Variants in BBS1 observed in about 807,000 individuals in gnomAD.
BBS1 encodes the protein BBSome complex member BBS1.
Under a neutral mutation model 73.9 loss-of-function variants are expected in BBS1, and 60 were observed. That is an observed-to-expected ratio of 0.81 (90% confidence interval 0.66 to 1.01). BBS1 has a LOEUF of 1.01. Among genes scored for constraint, BBS1 ranks in the 50% least tolerant of loss-of-function variants. The pLI is 0.00. For missense variants in BBS1, 718 were observed against 770.3 expected (o/e 0.93, Z 0.80); for synonymous variants, 283 against 317.4 (o/e 0.89, Z 1.15).
intron 9 of BBS1, among the ~76,000 whole-genome samples, chr11:66,521,904 CAAAAAAAAAA>C (rs1183524219): frequency 1.6e-4 from 6 of 36,494 alleles, no homozygotes; most frequent in Non-Finnish European, 2.4e-4. Context: ...GACTCCGTCT[CAAAAAAAAAA>C]AAAAAAAAAA....
Position 66,511,059 on chromosome 11 carries a change from G to T in BBS1, c.94G>T (p.Ala32Ser). ...KWLDAHYDPM[A>S]NIHTFSACLA... ...GTTGGATGCGCACTACGACCCAATG[G>T]CCAATATCCACACCTTTTCTGCCTG... The change falls in exon 2 of 17, where the codon GCC becomes TCC. Residue 32 changes from alanine (A) to serine (S), a missense_variant. By Grantham distance (99) the Ala-to-Ser change is moderately conservative. Coordinates refer to ENST00000318312, the MANE Select transcript of BBS1 (RefSeq NM_024649.5). The T allele has an allele frequency of 6.2e-7, 1 of 1,614,120 alleles. No individual in the cohort carries two copies. Among genetic ancestry groups the T allele is most frequent in the Non-Finnish European group, 8.5e-7 (1 of 1,180,026 alleles).
chr11:66,512,966 CAT>C (rs1334885564), intron 3 of BBS1, among the ~76,000 whole-genome samples: 4 of 149,392 alleles, frequency 2.7e-5, no homozygotes, highest in African/African-American at 1.0e-4. Context: ...AGCGAGACTC[CAT>C]CTCAAAAAAA....
In BBS1 at chr11:66,533,525, T is replaced by A. The variant is rs1856864561; in HGVS notation, c.*1488T>A. 1 of 152,246 alleles carries A rather than the reference T, an allele frequency of 6.6e-6. No individual in the cohort carries two copies. Among genetic ancestry groups the A allele is most frequent in the Non-Finnish European group, 1.5e-5 (1 of 68,042 alleles). 9.4% of individuals were successfully genotyped at this position (152,246 alleles called of 1,614,324 possible). A position where few individuals can be genotyped will look rare whatever the true frequency, so the allele number is the denominator to read the frequency against. ...TTATTAGGTTAAAAAATACTCAGAT[T>A]ACTATTTCTATTACTATGTGAAAGT... On this transcript the variant is annotated 3_prime_UTR_variant, in exon 17 of 17. Transcript: ENST00000318312.
chr11:66,510,810 T>C (rs1366626594), intron 1 of BBS1, 104 bp downstream of exon 1: 1 of 1,524,526 alleles, frequency 6.6e-7, no homozygotes, highest in East Asian at 2.3e-5. Context: ...CTGGAAGGAC[T>C]CTTAAGAGGT....
At chr11:66,526,000 C>T (rs1856471956) in intron 11 of BBS1, 123 bp from the exon 12 acceptor site, 12 of 805,860 alleles carry the variant, frequency 1.5e-5, no homozygotes, top group Non-Finnish European at 2.4e-5. Context: ...TCAGAGGCAG[C>T]GATTCCCCAG....
rs1856470556 is a variant in BBS1, at chr11:66,525,975, A to G, written c.1111-148A>G. 1.5e-5 allele frequency: 11 copies of G among 712,530 alleles called. No individual in the cohort carries two copies. The East Asian group carries it at 2.8e-4, about 18-fold the overall frequency. The allele number at this position is 712,530 out of a possible 1,614,324, so 44.1% of individuals were successfully genotyped here. On this transcript the variant is annotated intron_variant, in intron 11 of 16. Transcript: ENST00000318312. Reference sequence around the variant, plus strand: ...TAGTGAGATTGGAGGGGAGATGAGAAATATAGGAAATATTTCAGAGGCAGC... The same window carrying G: ...TAGTGAGATTGGAGGGGAGATGAGAGATATAGGAAATATTTCAGAGGCAGC...
intron 3 of BBS1, among the ~76,000 whole-genome samples, chr11:66,512,073 TATAC>T (rs1855965879): frequency 7.0e-6 from 1 of 141,914 alleles, no homozygotes; most frequent in Non-Finnish European, 1.5e-5. Flanking sequence ...TGTATATATA[TATAC>T]ATATATTTAA....
chr11:66,515,934 G>T lies in BBS1; in HGVS notation c.591+1G>T. 6.2e-7 allele frequency: 1 copy of T among 1,614,048 alleles called. No homozygotes were observed. Among genetic ancestry groups the T allele is most frequent in the Non-Finnish European group, 8.5e-7 (1 of 1,179,970 alleles). On this transcript the variant is annotated splice_donor_variant, in intron 7 of 16. Coordinates refer to ENST00000318312, the MANE Select transcript of BBS1 (RefSeq NM_024649.5). LOFTEE classifies it high-confidence loss of function. ...CAAGTCCAACTCCATCAAGCGGCAG[G>T]TAATACCCCCTTCTCTTTTTATTTC...
chr11:66,513,696 G>T (rs1035601458), intron 3 of BBS1, among the ~76,000 whole-genome samples: 1 of 152,166 alleles, frequency 6.6e-6, no homozygotes, highest in African/African-American at 2.4e-5. Context: ...TAATAAGACT[G>T]TTGAGAGGGT....
chr11:66,531,566 C>A, intron 15 of BBS1, 90 bp from the exon 16 acceptor site: 1 of 1,547,180 alleles, frequency 6.5e-7, no homozygotes, highest in Non-Finnish European at 8.9e-7. Context: ...GGTGCTGAGG[C>A]TCAGTGGAGA....
intron 6 of BBS1, 40 bp from the exon 7 acceptor site, chr11:66,515,821 G>A (rs759903743): frequency 1.2e-5 from 19 of 1,613,968 alleles, no homozygotes; most frequent in East Asian, 2.2e-5. Context: ...GGAGGGCAGC[G>A]AGGCCGGGGC....
At position 66,514,553 on chromosome 11, in the gene BBS1, G is replaced by C; in HGVS notation, c.307G>C (p.Ala103Pro). ...LMEQHEPRTP[A>P]LALASGPCVY... is the part of the protein sequence containing the mutation. ...GGAGCAACATGAGCCCCGGACCCCA[G>C]CTCTGGCACTTGCTTCAGGCCCTTG... The change falls in exon 4 of 17, where the codon GCT (alanine) becomes CCT (proline). Residue 103 changes from alanine to proline, a missense_variant. Ala to Pro is a conservative substitution (Grantham distance 27, BLOSUM62 -1). Coordinates refer to ENST00000318312, the MANE Select transcript of BBS1 (RefSeq NM_024649.5). 1.9e-6 allele frequency: 3 copies of C among 1,614,132 alleles called. No homozygotes were observed. Among genetic ancestry groups the C allele is most frequent in the Non-Finnish European group, 2.5e-6 (3 of 1,180,028 alleles).
chr11:66,523,984 A>G, intron 11 of BBS1, 102 bp downstream of exon 11: 1 of 1,541,492 alleles, frequency 6.5e-7, no homozygotes, highest in Non-Finnish European at 8.8e-7. Flanking sequence ...ATGCATTTCA[A>G]AAACATTTGT....
intron 7 of BBS1, among the ~76,000 whole-genome samples, chr11:66,517,508 G>A (rs796499986): frequency 3.4e-4 from 49 of 145,492 alleles, no homozygotes; most frequent in African/African-American, 1.2e-3. Flanking sequence ...TGGCTCTGTC[G>A]CCAGGCTGGA....
At chr11:66,520,997 G>A (rs997570075) in intron 8 of BBS1, 36 of 470,328 alleles carry the variant, frequency 7.7e-5, no homozygotes, top group Non-Finnish European at 1.2e-4. Context: ...GGGATTACAG[G>A]TGTGGGCCAC....
In BBS1 at chr11:66,515,903, C is replaced by T. The variant is rs1239262010; in HGVS notation, c.561C>T (p.Asn187=). 2 of 1,614,196 alleles carry T rather than the reference C, an allele frequency of 1.2e-6. No homozygotes were observed. Among genetic ancestry groups the T allele is most frequent in the African/African-American group, 2.7e-5 (2 of 75,038 alleles). The change falls in exon 7 of 17, where the codon AAC becomes AAT. Residue 187 remains asparagine (N), a synonymous_variant. Coordinates refer to ENST00000318312, the MANE Select transcript of BBS1 (RefSeq NM_024649.5). ...TAAGTGAAATGGAGGCATTTGTAAA[C>T]CAACACAAGTCCAACTCCATCAAGC... ...LELSEMEAFV[N]QHKSNSIKRQ...
rs987195667 is a variant in BBS1 at position 66,533,493 on chromosome 11, T to C, written c.*1456T>C. On this transcript the variant is annotated 3_prime_UTR_variant, in exon 17 of 17. Transcript: ENST00000318312. ...CTCTTTTGTCAGCAACCCTCCCCCA[T>C]CCCTAGTTATTAGGTTAAAAAATAC... 2.6e-5 allele frequency: 4 copies of C among 152,222 alleles called. No homozygotes were observed. The highest frequency in any genetic ancestry group is 4.4e-5 in the Non-Finnish European group (3 of 68,046). The allele number at this position is 152,222 out of a possible 1,614,324, so 9.4% of individuals were successfully genotyped here.
chr11:66,517,307 T>C (rs980928889), intron 7 of BBS1, among the ~76,000 whole-genome samples: 1 of 152,090 alleles, frequency 6.6e-6, no homozygotes, highest in Non-Finnish European at 1.5e-5. Context: ...CCTCCAATTA[T>C]AATTACAAAA....
In BBS1 at chr11:66,532,262, C is replaced by A; in HGVS notation, c.*225C>A. On this transcript the variant is annotated 3_prime_UTR_variant, in exon 17 of 17. Coordinates refer to ENST00000318312, the MANE Select transcript of BBS1 (RefSeq NM_024649.5). ...CCCACAGCACCAACCCAGCATGGTC[C>A]CACTGAAGTCCTACTACGCCCTCCC... is the stretch of plus-strand genomic sequence containing the variant. 1 of 582,112 alleles carries A rather than the reference C, an allele frequency of 1.7e-6. No individual in the cohort carries two copies. Among genetic ancestry groups the A allele is most frequent in the Non-Finnish European group, 3.1e-6 (1 of 325,544 alleles). 36.1% of individuals were successfully genotyped at this position (582,112 alleles called of 1,614,324 possible).
Sources: gnomAD v4.1 joint callset for allele counts (sites outside exome capture counted in the v4.1 genomes callset) on GRCh38, gnomAD v4.1.1 for gene constraint, MANE v1.5 for transcripts, NCBI Gene and HGNC (gene_info 2026-07-23, HGNC 2026-07-21) for gene names.